Variants in APLP2 observed in about 807,000 individuals in gnomAD.
The protein encoded by APLP2 is amyloid beta precursor like protein 2.
A neutral mutation model predicts 89.9 loss-of-function variants in APLP2; 53 were observed. The ratio of observed to expected loss-of-function variants is 0.59; its 90% CI spans 0.47 to 0.74. APLP2 has a LOEUF of 0.74. Among genes scored for constraint, APLP2 ranks in the 30% least tolerant of loss-of-function variants. The pLI is 0.00. For synonymous variants in APLP2, 372 were observed against 348.6 expected, an observed-to-expected ratio of 1.07 and a Z score of -0.75; for missense variants, 973 against 975.9, an observed-to-expected ratio of 1.00 and a Z score of 0.04.
chr11:130,112,862 T>C (rs1948753443), intron 3 of APLP2, among the ~76,000 whole-genome samples: 1 of 152,226 alleles, frequency 6.6e-6, no homozygotes, highest in South Asian at 2.1e-4. Context: ...TGTGATGTCA[T>C]GCTTTAGGTT....
chr11:130,070,090 C>A lies in APLP2; in HGVS notation c.105+8C>A, dbSNP rs1434561037. 6 of 1,421,920 alleles carry A rather than the reference C, an allele frequency of 4.2e-6. No homozygotes were observed. The highest frequency in any genetic ancestry group is 4.6e-6 in the Non-Finnish European group (5 of 1,093,596). 88.1% of individuals were successfully genotyped at this position (1,421,920 alleles called of 1,614,324 possible). A position where few individuals can be genotyped will look rare whatever the true frequency, so the allele number is the denominator to read the frequency against. ...CTGGCCGGCTACATCGAGGTGGGGA[C>A]CGGGCGAACGCCGGAGAGTCGTCTC... On this transcript the variant is annotated splice_region_variant and intron_variant, in intron 1 of 16. Transcript: ENST00000338167.
chr11:130,071,129 A>T (rs1388771991), intron 1 of APLP2, among the ~76,000 whole-genome samples: 2 of 152,236 alleles, frequency 1.3e-5, no homozygotes, highest in Non-Finnish European at 2.9e-5. Flanking sequence ...TAAAAATTAC[A>T]ACTGGTTTCT....
intron 3 of APLP2, among the ~76,000 whole-genome samples, chr11:130,117,818 A>G (rs571413440): frequency 6.6e-5 from 10 of 152,186 alleles, no homozygotes; most frequent in Non-Finnish European, 7.3e-5. Flanking sequence ...CACGCCTGTA[A>G]TCCCAACACT....
chr11:130,097,609 A>T (rs1946381573), intron 1 of APLP2, among the ~76,000 whole-genome samples: 1 of 151,956 alleles, frequency 6.6e-6, no homozygotes, highest in Non-Finnish European at 1.5e-5. Flanking sequence ...AGGTGGGAGG[A>T]TTGCTTGATC....
intron 1 of APLP2, among the ~76,000 whole-genome samples, chr11:130,073,845 T>TA (rs1047617154): frequency 9.2e-5 from 14 of 151,896 alleles, no homozygotes; most frequent in African/African-American, 3.1e-4. Context: ...AAAACAAGAA[T>TA]AAAAAAAAGA....
intron 1 of APLP2, among the ~76,000 whole-genome samples, chr11:130,106,745 A>G (rs1010428339): frequency 2.6e-5 from 4 of 151,614 alleles, no homozygotes; most frequent in East Asian, 2.0e-4. Context: ...CTGGAGTGCA[A>G]TTGTGCAATC....
chr11:130,109,643 G>C, intron 2 of APLP2, 41 bp downstream of exon 2: 1 of 1,577,300 alleles, frequency 6.3e-7, no homozygotes, highest in African/African-American at 1.4e-5. Context: ...TATTTTTCTG[G>C]GGCAGGGTTG....
At chr11:130,132,892 C>G (rs770054216) in intron 11 of APLP2, among the ~76,000 whole-genome samples, 11 of 152,026 alleles carry the variant, frequency 7.2e-5, no homozygotes, top group Non-Finnish European at 1.2e-4. Flanking sequence ...TTAATCCCAT[C>G]TAATCTGACC....
intron 1 of APLP2, among the ~76,000 whole-genome samples, chr11:130,072,784 T>G (rs555027347): frequency 6.6e-6 from 1 of 152,324 alleles, no homozygotes; most frequent in Non-Finnish European, 1.5e-5. Flanking sequence ...GCCCGTTATT[T>G]TTATCATAAC....
rs758485043 is a variant in APLP2 at position 130,137,314 on chromosome 11, C to T, written c.1837+1599C>T. The T allele has an allele frequency of 1.9e-6, 3 of 1,606,074 alleles. No homozygotes were observed. The East Asian group carries it at 6.7e-5, about 36-fold the overall frequency. ...AAGGTTGGTTTGTCCAAGATGTTCCCTTTAAGACCTTCATTCCTCTCCACT... is the reference window on the plus strand; with the variant it reads ...AAGGTTGGTTTGTCCAAGATGTTCCTTTTAAGACCTTCATTCCTCTCCACT... On this transcript the variant is annotated intron_variant, in intron 13 of 16. Coordinates refer to ENST00000338167, the MANE Select transcript of APLP2 (RefSeq NM_001142276.2).
intron 2 of APLP2, chr11:130,109,906 G>T (rs1358558199): frequency 3.4e-6 from 1 of 290,220 alleles, no homozygotes; most frequent in East Asian, 6.9e-5. Flanking sequence ...AACAAAACAT[G>T]TCTCCTTACT....
In APLP2 at chr11:130,094,043, C is replaced by T. The variant is rs577621337; in HGVS notation, c.106-15386C>T. Among the ~76,000 whole-genome samples, 441 of 147,034 alleles carry T rather than the reference C, an allele frequency of 3.0e-3. 7 individuals are homozygous for T. The highest frequency in any genetic ancestry group is 0.027 in the East Asian group (134 of 4,982). ...TACAGGCGTGAGCCACCACTCCCGG[C>T]CGTATTTTTTTTTTTTTTTTTTTTT... On this transcript the variant is annotated intron_variant, in intron 1 of 16. Coordinates refer to ENST00000338167, the MANE Select transcript of APLP2 (RefSeq NM_001142276.2).
intron 1 of APLP2, among the ~76,000 whole-genome samples, chr11:130,103,224 C>T (rs1947170733): frequency 6.6e-6 from 1 of 152,064 alleles, no homozygotes; most frequent in South Asian, 2.1e-4. Flanking sequence ...CCTTTTACAC[C>T]CTAGGTAGGG....
chr11:130,083,006 AC>A (rs200614693), intron 1 of APLP2, among the ~76,000 whole-genome samples: 2,532 of 143,168 alleles, frequency 0.018, 36 homozygotes, highest in Middle Eastern at 0.045. Flanking sequence ...AAATATATTA[AC>A]CACTGAAACT....
chr11:130,141,423 G>A lies in APLP2; in HGVS notation c.1924-75G>A. 1 of 1,215,666 alleles carries A rather than the reference G, an allele frequency of 8.2e-7. No individual in the cohort carries two copies. 75.3% of individuals were successfully genotyped at this position (1,215,666 alleles called of 1,614,324 possible). On this transcript the variant is annotated intron_variant, in intron 14 of 16. Coordinates refer to ENST00000338167, the MANE Select transcript of APLP2 (RefSeq NM_001142276.2). This position sits in a 1 kb window ranked among gnomAD's most constrained non-coding sequence, Gnocchi z 4.2. ...TCCTTCCATCAAGCAGCAGGTAGCAGAGGAAGGAGGCAGTAAATACCAAAC... is the reference window on the plus strand; with the variant it reads ...TCCTTCCATCAAGCAGCAGGTAGCAAAGGAAGGAGGCAGTAAATACCAAAC...
At chr11:130,129,250 T>C in intron 10 of APLP2, 44 bp downstream of exon 10, 1 of 1,569,336 alleles carries the variant, frequency 6.4e-7, no homozygotes, top group Non-Finnish European at 8.7e-7. Flanking sequence ...GTGGTATATG[T>C]AGGGGACCAA....
chr11:130,128,086 C>T (rs1193008076), intron 9 of APLP2, among the ~76,000 whole-genome samples: 3 of 152,214 alleles, frequency 2.0e-5, no homozygotes, highest in African/African-American at 4.8e-5. Context: ...AGCTGCCTTT[C>T]GTTAATTCTG....
At chr11:130,084,568 G>A (rs1943792188) in intron 1 of APLP2, among the ~76,000 whole-genome samples, 1 of 152,140 alleles carries the variant, frequency 6.6e-6, no homozygotes, top group Non-Finnish European at 1.5e-5. Flanking sequence ...CACACCCTTG[G>A]TAAACAGCAG....
At position 130,126,279 on chromosome 11, in the gene APLP2, T is replaced by G. The variant is rs560856734; in HGVS notation, c.1091-421T>G. 1.1e-4 allele frequency among the ~76,000 whole-genome samples: 17 copies of G among 152,270 alleles called. No homozygotes were observed. The South Asian group carries it at 3.5e-3, about 32-fold the overall frequency. ...CCTGAGTAATAAATTTCTTTAAAAA[T>G]AAGGAATTGCATAAAAGTGCCTCTA... On this transcript the variant is annotated intron_variant, in intron 7 of 16. Transcript: ENST00000338167.
Sources: allele counts gnomAD v4.1 joint callset (sites outside exome capture counted in the v4.1 genomes callset), GRCh38; gene constraint gnomAD v4.1.1; non-coding constraint Gnocchi (gnomAD v3.1); transcripts MANE v1.5; gene names NCBI Gene and HGNC (gene_info 2026-07-23, HGNC 2026-07-21).